Variants in PTPRD observed in about 807,000 individuals in gnomAD.
The protein encoded by PTPRD is protein tyrosine phosphatase receptor type D.
In PTPRD, 34 loss-of-function variants were observed where a neutral mutation model predicts 214.5. That is an observed-to-expected ratio of 0.16 (90% CI 0.12 to 0.21). PTPRD has a LOEUF of 0.21. Among genes scored for constraint, PTPRD ranks in the 10% least tolerant of loss-of-function variants. The pLI, the probability that PTPRD is intolerant of heterozygous loss-of-function variation, is 1.00. For synonymous variants in PTPRD, 1,128 were observed against 845.7 expected (o/e 1.33, Z -5.79); for missense variants, 2,545 against 2,398.7 (o/e 1.06, Z -1.27).
intron 8 of PTPRD, among the ~76,000 whole-genome samples, chr9:9,460,641 A>C (rs1175997471): frequency 6.6e-6 from 1 of 152,064 alleles, no homozygotes; most frequent in African/African-American, 2.4e-5. Flanking sequence ...CTTATACCAA[A>C]TAGAATAACT....
intron 39 of PTPRD, among the ~76,000 whole-genome samples, chr9:8,363,920 T>C (rs573189090): frequency 1.3e-5 from 2 of 152,384 alleles, no homozygotes; most frequent in African/African-American, 2.4e-5. Context: ...TGTCACTTTA[T>C]ACATTTCTGT....
At chr9:10,162,268 C>CA (rs889983336) in intron 3 of PTPRD, among the ~76,000 whole-genome samples, 9 of 150,380 alleles carry the variant, frequency 6.0e-5, no homozygotes, top group African/African-American at 1.7e-4. Context: ...GCACCCTTTA[C>CA]AAAAAAAATA....
chr9:8,328,018 A>G (rs1210955372), intron 44 of PTPRD, among the ~76,000 whole-genome samples: 1 of 152,156 alleles, frequency 6.6e-6, no homozygotes, highest in Non-Finnish European at 1.5e-5. Flanking sequence ...GCCTATTTAC[A>G]TTTAAGGTTA....
chr9:8,523,980 A>T (rs1167018940), intron 18 of PTPRD, among the ~76,000 whole-genome samples: 1 of 152,132 alleles, frequency 6.6e-6, no homozygotes, highest in Non-Finnish European at 1.5e-5. Context: ...TCCTATTGTA[A>T]CTTAAAGCCC....
intron 10 of PTPRD, among the ~76,000 whole-genome samples, chr9:9,032,614 G>C (rs2099609207): frequency 9.1e-5 from 1 of 10,974 alleles, no homozygotes; most frequent in Non-Finnish European, 6.2e-4. Flanking sequence ...AGAAATTGGT[G>C]CTAGAAAAAA....
intron 8 of PTPRD, among the ~76,000 whole-genome samples, chr9:9,544,901 T>C (rs997625239): frequency 6.6e-6 from 1 of 151,772 alleles, no homozygotes; most frequent in African/African-American, 2.4e-5. Flanking sequence ...ACATTTCTAG[T>C]TGGGATGGGT....
chr9:8,339,714 C>A (rs527525823), intron 42 of PTPRD, among the ~76,000 whole-genome samples: 4 of 151,754 alleles, frequency 2.6e-5, no homozygotes, highest in African/African-American at 9.7e-5. Flanking sequence ...GAAGCAAATA[C>A]GAAATAATGC....
intron 2 of PTPRD, among the ~76,000 whole-genome samples, chr9:10,590,362 T>C (rs1013042999): frequency 3.9e-5 from 6 of 151,990 alleles, no homozygotes; most frequent in Admixed American, 3.3e-4. Context: ...ATGCACCTAT[T>C]TTAAATGAGC....
chr9:10,127,998 C>T (rs1468194214), intron 3 of PTPRD, among the ~76,000 whole-genome samples: 1 of 152,080 alleles, frequency 6.6e-6, no homozygotes, highest in East Asian at 1.9e-4. Flanking sequence ...TGTTTGACAT[C>T]ATGTTTGGAG....
At chr9:10,168,048 A>G (rs908790585) in intron 3 of PTPRD, among the ~76,000 whole-genome samples, 5 of 152,180 alleles carry the variant, frequency 3.3e-5, no homozygotes, top group Non-Finnish European at 7.4e-5. Context: ...GAGGCAATTC[A>G]CGTGTTTTTC....
intron 16 of PTPRD, 32 bp downstream of exon 16, chr9:8,527,313 G>T: frequency 6.3e-7 from 1 of 1,599,130 alleles, no homozygotes; most frequent in Non-Finnish European, 8.5e-7. Flanking sequence ...AAATTAGTGG[G>T]GTTGAAGTGC....
Position 8,861,926 on chromosome 9 carries a change from A to G in PTPRD, c.-103-127980T>C, listed in dbSNP as rs188828086. On this transcript the variant is annotated intron_variant, in intron 11 of 45. Coordinates refer to ENST00000381196, the MANE Select transcript of PTPRD (RefSeq NM_002839.4). ...TACTGCTAAATACATAAATGAAACA[A>G]TAATAGTTTCAGTCCTCAAATAACA... The G allele has an allele frequency of 3.3e-5, 5 of 152,356 alleles. No individual in the cohort carries two copies. The East Asian group carries it at 7.7e-4, about 24-fold the overall frequency. The allele number at this position is 152,356 out of a possible 1,614,324, so 9.4% of individuals were successfully genotyped here.
chr9:10,189,809 G>T (rs925101775), intron 3 of PTPRD, among the ~76,000 whole-genome samples: 1 of 152,050 alleles, frequency 6.6e-6, no homozygotes, highest in Non-Finnish European at 1.5e-5. Context: ...TATAAACCAA[G>T]ACTCAAAGAA....
intron 7 of PTPRD, among the ~76,000 whole-genome samples, chr9:9,646,344 GGT>G (rs146202807): frequency 2.3e-4 from 31 of 134,726 alleles, no homozygotes; most frequent in Non-Finnish European, 2.6e-4. Context: ...TGTGTGTGTG[GGT>G]GTGTGTGTGT....
intron 5 of PTPRD, among the ~76,000 whole-genome samples, chr9:9,914,555 G>A (rs2080145790): frequency 6.6e-6 from 1 of 152,150 alleles, no homozygotes; most frequent in Admixed American, 6.5e-5. Flanking sequence ...ATTGCCCTTA[G>A]AAGACACACA....
intron 3 of PTPRD, among the ~76,000 whole-genome samples, chr9:10,057,687 CA>C (rs1184961854): frequency 1.3e-5 from 2 of 151,572 alleles, no homozygotes; most frequent in African/African-American, 4.8e-5. Flanking sequence ...TACTAAAATA[CA>C]AAAAAATTAG....
chr9:8,713,170 T>C (rs986133036), intron 12 of PTPRD: 3 of 560,316 alleles, frequency 5.4e-6, no homozygotes, highest in Non-Finnish European at 9.5e-6. Flanking sequence ...CCTGCATAAC[T>C]GTCAGTGCCA....
At chr9:8,933,042 T>C (rs905814896) in intron 11 of PTPRD, among the ~76,000 whole-genome samples, 2 of 151,938 alleles carry the variant, frequency 1.3e-5, no homozygotes, top group Non-Finnish European at 2.9e-5. Context: ...GCGAAGACCA[T>C]GGGAAAAGCA....
intron 8 of PTPRD, among the ~76,000 whole-genome samples, chr9:9,550,572 C>T (rs11788504): frequency 0.057 from 8,448 of 148,866 alleles, 328 homozygotes; most frequent in Non-Finnish European, 0.09. Flanking sequence ...TAATATATAT[C>T]CCAATTTATC....
Sources: gnomAD v4.1 joint callset for allele counts (sites outside exome capture counted in the v4.1 genomes callset) on GRCh38, gnomAD v4.1.1 for gene constraint, MANE v1.5 for transcripts, NCBI Gene and HGNC (gene_info 2026-07-23, HGNC 2026-07-21) for gene names.